Variants in TACR3 observed in about 807,000 individuals in gnomAD.
TACR3 encodes neuromedin-K receptor.
A neutral mutation model predicts 35.0 loss-of-function variants in TACR3; 34 were observed. The observed-to-expected ratio is 0.97, with a 90% CI of 0.74 to 1.30. The LOEUF is 1.30. TACR3 is among the 50% of genes most tolerant of loss of function. The pLI is 0.00. For synonymous variants in TACR3, 233 were observed against 221.1 expected (o/e 1.05, Z -0.48); for missense variants, 558 against 591.7 (o/e 0.94, Z 0.59).
At chr4:103,630,448 C>G (rs374281894) in intron 3 of TACR3, among the ~76,000 whole-genome samples, 4 of 152,074 alleles carry the variant, frequency 2.6e-5, no homozygotes, top group Non-Finnish European at 5.9e-5. Flanking sequence ...ATCTAACAAA[C>G]GGCTAATATC....
intron 3 of TACR3, among the ~76,000 whole-genome samples, chr4:103,594,916 A>G (rs951630983): frequency 9.8e-6 from 1 of 102,256 alleles, no homozygotes; most frequent in South Asian, 2.8e-4. Flanking sequence ...TTTCTATATA[A>G]TACTGTTACC....
chr4:103,697,823 T>C (rs1287101477), intron 1 of TACR3, among the ~76,000 whole-genome samples: 1 of 152,222 alleles, frequency 6.6e-6, no homozygotes, highest in Non-Finnish European at 1.5e-5. Flanking sequence ...TATGTATTTA[T>C]TCTATCTTTA....
intron 1 of TACR3, among the ~76,000 whole-genome samples, chr4:103,692,585 G>A (rs770186821): frequency 1.3e-5 from 2 of 152,064 alleles, no homozygotes; most frequent in Non-Finnish European, 2.9e-5. Flanking sequence ...TAAGAGGAGC[G>A]TTTCATCACC....
chr4:103,710,633 A>T (rs965459464), intron 1 of TACR3, among the ~76,000 whole-genome samples: 2 of 152,194 alleles, frequency 1.3e-5, no homozygotes, highest in Non-Finnish European at 1.5e-5. Context: ...GCAAGAAAAA[A>T]CTAAGATCAG....
intron 3 of TACR3, among the ~76,000 whole-genome samples, chr4:103,619,289 A>C (rs956674418): frequency 6.6e-6 from 1 of 152,110 alleles, no homozygotes; most frequent in African/African-American, 2.4e-5. Flanking sequence ...TCCAGGGTTC[A>C]AGCAATTCTC....
intron 1 of TACR3, among the ~76,000 whole-genome samples, chr4:103,689,168 C>T (rs1722337927): frequency 6.8e-6 from 1 of 146,156 alleles, no homozygotes; most frequent in South Asian, 2.1e-4. Flanking sequence ...CCAAACACCG[C>T]ATATTCTCAC....
chr4:103,642,317 G>T (rs1214478472), intron 3 of TACR3, among the ~76,000 whole-genome samples: 2 of 150,990 alleles, frequency 1.3e-5, no homozygotes, highest in African/African-American at 4.9e-5. Context: ...TAAAAAGGAA[G>T]AGAATACAAT....
chr4:103,626,483 G>T (rs928036491), intron 3 of TACR3, among the ~76,000 whole-genome samples: 2 of 152,128 alleles, frequency 1.3e-5, no homozygotes, highest in Non-Finnish European at 2.9e-5. Context: ...CCAGCTAAGG[G>T]CCTGGGGCAG....
At chr4:103,712,087 T>C (rs1050878464) in intron 1 of TACR3, among the ~76,000 whole-genome samples, 61 of 152,250 alleles carry the variant, frequency 4.0e-4, no homozygotes, top group African/African-American at 1.3e-3. Context: ...ATTTATAGAT[T>C]CAATGCCATC....
At chr4:103,641,003 C>G (rs1399692981) in intron 3 of TACR3, among the ~76,000 whole-genome samples, 5 of 151,940 alleles carry the variant, frequency 3.3e-5, no homozygotes, top group Admixed American at 3.3e-4. Flanking sequence ...AAGCTTTCCC[C>G]TTATTTTTTC....
intron 3 of TACR3, among the ~76,000 whole-genome samples, chr4:103,628,900 G>A (rs187081832): frequency 6.7e-6 from 1 of 149,878 alleles, no homozygotes; most frequent in East Asian, 1.9e-4. Context: ...ATAAAATACT[G>A]ACAAACTGAA....
At chr4:103,662,510 G>A (rs1254849532) in intron 1 of TACR3, among the ~76,000 whole-genome samples, 8 of 152,086 alleles carry the variant, frequency 5.3e-5, no homozygotes, top group African/African-American at 1.4e-4. Context: ...ATGAGCCACC[G>A]CCCCAGCCTG....
At chr4:103,600,759 G>T (rs1193014698) in intron 3 of TACR3, among the ~76,000 whole-genome samples, 2 of 152,184 alleles carry the variant, frequency 1.3e-5, no homozygotes, top group East Asian at 1.9e-4. Flanking sequence ...TTTCCATGTA[G>T]TTGAGCAGTT....
intron 3 of TACR3, among the ~76,000 whole-genome samples, chr4:103,596,086 T>C: frequency 6.6e-6 from 1 of 150,594 alleles, no homozygotes; most frequent in Non-Finnish European, 1.5e-5. Flanking sequence ...GAACTCATCC[T>C]TTTTTATGGC....
At chr4:103,690,572 A>G (rs1055389805) in intron 1 of TACR3, among the ~76,000 whole-genome samples, 4 of 152,128 alleles carry the variant, frequency 2.6e-5, no homozygotes, top group African/African-American at 9.6e-5. Flanking sequence ...ACTTTTACTA[A>G]TAGAAGAATT....
chr4:103,652,174 G>C (rs537882495), intron 3 of TACR3, among the ~76,000 whole-genome samples: 1 of 152,022 alleles, frequency 6.6e-6, no homozygotes, highest in Admixed American at 6.6e-5. Context: ...TAGGAGTTGC[G>C]GTCTTTGTGG....
At chr4:103,675,468 A>G (rs1252546276) in intron 1 of TACR3, among the ~76,000 whole-genome samples, 1 of 152,200 alleles carries the variant, frequency 6.6e-6, no homozygotes. Flanking sequence ...GAATGTGCAA[A>G]CTGAAGAGAG....
intron 1 of TACR3, among the ~76,000 whole-genome samples, chr4:103,701,011 A>C (rs1311436855): frequency 2.0e-5 from 3 of 152,270 alleles, no homozygotes; most frequent in South Asian, 2.1e-4. Context: ...CCCTCTCTCA[A>C]CACTCCTATT....
intron 3 of TACR3, among the ~76,000 whole-genome samples, chr4:103,640,015 A>T (rs1725316438): frequency 6.6e-6 from 1 of 152,028 alleles, no homozygotes; most frequent in Non-Finnish European, 1.5e-5. Flanking sequence ...AAGTAAGTGA[A>T]GATTGGATTT....
Sources: gnomAD v4.1 joint callset for allele counts (sites outside exome capture counted in the v4.1 genomes callset) on GRCh38, gnomAD v4.1.1 for gene constraint, MANE v1.5 for transcripts, NCBI Gene and HGNC (gene_info 2026-07-23, HGNC 2026-07-21) for gene names.